Variants in CDH13 observed in about 807,000 individuals in gnomAD.
The protein encoded by CDH13 is cadherin-13.
CDH13 carries 24 observed loss-of-function variants against 63.8 expected under a neutral mutation model. The observed-to-expected ratio is 0.38, with a 90% CI of 0.27 to 0.53. The LOEUF (loss-of-function observed/expected upper bound fraction) is 0.53. Among genes scored for constraint, CDH13 ranks in the 20% least tolerant of loss-of-function variants. The pLI is 0.85. For synonymous variants in CDH13, 503 were observed against 355.3 expected (o/e 1.42, Z -4.67); for missense variants, 1,049 against 903.1 (o/e 1.16, Z -2.07).
chr16:83,621,217 A>G (rs926968661), intron 8 of CDH13, among the ~76,000 whole-genome samples: 24 of 152,206 alleles, frequency 1.6e-4, no homozygotes. Flanking sequence ...CAGTGCCAGT[A>G]GAGCCCACTA....
At chr16:82,772,939 C>G (rs1002158243) in intron 1 of CDH13, among the ~76,000 whole-genome samples, 3 of 152,024 alleles carry the variant, frequency 2.0e-5, no homozygotes, top group Non-Finnish European at 4.4e-5. Context: ...TGGGAGTAAC[C>G]TAATTTTACG....
At chr16:83,792,903 C>A (rs1192063742) in intron 13 of CDH13, among the ~76,000 whole-genome samples, 8 of 152,024 alleles carry the variant, frequency 5.3e-5, no homozygotes, top group African/African-American at 1.9e-4. Flanking sequence ...AAAAATGAAA[C>A]CTAATCATTG....
chr16:83,676,341 G>A (rs1914953596), intron 9 of CDH13, among the ~76,000 whole-genome samples: 1 of 152,148 alleles, frequency 6.6e-6, no homozygotes, highest in African/African-American at 2.4e-5. Flanking sequence ...GCCCTTGGGG[G>A]ACTGGGGTGC....
chr16:83,483,953 C>T (rs1210861722), intron 6 of CDH13, among the ~76,000 whole-genome samples: 2 of 152,128 alleles, frequency 1.3e-5, no homozygotes, highest in African/African-American at 2.4e-5. Context: ...CTGCATGGGC[C>T]AAGAATGTTC....
intron 6 of CDH13, among the ~76,000 whole-genome samples, chr16:83,461,428 G>A (rs927064967): frequency 2.0e-5 from 3 of 152,178 alleles, no homozygotes; most frequent in Non-Finnish European, 4.4e-5. Context: ...ACAAGCTCCA[G>A]CCATGAACTG....
intron 5 of CDH13, among the ~76,000 whole-genome samples, chr16:83,265,602 A>G (rs964367986): frequency 1.1e-4 from 17 of 151,336 alleles, no homozygotes; most frequent in African/African-American, 3.2e-4. Flanking sequence ...TGTTCTCTCA[A>G]TGTTCATTTT....
At chr16:82,896,340 G>A (rs150007985) in intron 2 of CDH13, among the ~76,000 whole-genome samples, 175 of 136,166 alleles carry the variant, frequency 1.3e-3, no homozygotes, top group African/African-American at 4.6e-3. Flanking sequence ...CTCCCAGGCT[G>A]GAGTGCAGTG....
chr16:83,328,835 G>A (rs11864761), intron 5 of CDH13, among the ~76,000 whole-genome samples: 59,741 of 151,830 alleles, frequency 0.39, 12,186 homozygotes, highest in Admixed American at 0.46. Flanking sequence ...AGTTTGAAAT[G>A]CTTAAGAAAA....
chr16:83,373,726 G>T (rs184478796), intron 6 of CDH13, among the ~76,000 whole-genome samples: 3 of 152,188 alleles, frequency 2.0e-5, no homozygotes, highest in South Asian at 4.1e-4. Flanking sequence ...TTGAATCTCC[G>T]CTTTACCTTT....
chr16:82,774,130 TA>T (rs35249829), intron 1 of CDH13, among the ~76,000 whole-genome samples: 26 of 149,872 alleles, frequency 1.7e-4, no homozygotes, highest in African/African-American at 4.4e-4. Context: ...GAATTCTCTT[TA>T]AAAAAAAAAT....
In CDH13 at chr16:82,815,528, T is replaced by C. The variant is rs2037662514; in HGVS notation, c.46-42834T>C. 1.3e-5 allele frequency among the ~76,000 whole-genome samples: 2 copies of C among 152,172 alleles called. 1 individual carries two copies. The highest frequency in any genetic ancestry group is 1.3e-4 in the Admixed American group (2 of 15,268). ...CACTCCCTACATGGGAGATATTATT[T>C]CCATGTTCAGAAACAAGCTGGTTTC... On this transcript the variant is annotated intron_variant, in intron 1 of 13. Coordinates refer to ENST00000567109, the MANE Select transcript of CDH13 (RefSeq NM_001257.5).
intron 2 of CDH13, among the ~76,000 whole-genome samples, chr16:82,864,007 A>G (rs1260292232): frequency 6.6e-6 from 1 of 152,212 alleles, no homozygotes; most frequent in Non-Finnish European, 1.5e-5. Context: ...ACTTGGCATC[A>G]AAAATAAACA....
At chr16:83,786,714 G>T (rs1597232252) in intron 13 of CDH13, among the ~76,000 whole-genome samples, 1 of 151,818 alleles carries the variant, frequency 6.6e-6, no homozygotes, top group Admixed American at 6.6e-5. Flanking sequence ...CAGCCTCCCA[G>T]GTAGCTAGGA....
chr16:82,766,629 C>T (rs1881544973), intron 1 of CDH13, among the ~76,000 whole-genome samples: 2 of 152,180 alleles, frequency 1.3e-5, no homozygotes, highest in South Asian at 2.1e-4. Context: ...ACAGTGGTCA[C>T]TCTATCATAA....
chr16:83,437,698 AT>A (rs1276264496), intron 6 of CDH13, among the ~76,000 whole-genome samples: 1 of 152,166 alleles, frequency 6.6e-6, no homozygotes, highest in Admixed American at 6.6e-5. Context: ...ATTAAAAAAA[AT>A]AAAGGCTTCA....
At chr16:83,363,892 C>T (rs1364302) in intron 6 of CDH13, among the ~76,000 whole-genome samples, 39,165 of 151,928 alleles carry the variant, frequency 0.26, 5,123 homozygotes, top group Middle Eastern at 0.37. Context: ...GGTCACAGGA[C>T]ATCAAGTGGA....
intron 2 of CDH13, among the ~76,000 whole-genome samples, chr16:82,950,766 C>T (rs1351716091): frequency 6.6e-6 from 1 of 151,426 alleles, no homozygotes; most frequent in Non-Finnish European, 1.5e-5. Flanking sequence ...TGTAAAGACC[C>T]TATCTCCAAA....
At chr16:83,742,456 T>C (rs979072155) in intron 10 of CDH13, among the ~76,000 whole-genome samples, 1 of 152,116 alleles carries the variant, frequency 6.6e-6, no homozygotes, top group African/African-American at 2.4e-5. Flanking sequence ...CAAGCAAAGT[T>C]CACATTACAG....
At chr16:82,639,810 C>A (rs191222961) in intron 1 of CDH13, among the ~76,000 whole-genome samples, 1 of 152,248 alleles carries the variant, frequency 6.6e-6, no homozygotes, top group African/African-American at 2.4e-5. Flanking sequence ...AGCCACAGAG[C>A]AGCGAGAGCA....
Sources: allele counts gnomAD v4.1 joint callset (sites outside exome capture counted in the v4.1 genomes callset), GRCh38; gene constraint gnomAD v4.1.1; transcripts MANE v1.5; gene names NCBI Gene and HGNC (gene_info 2026-07-23, HGNC 2026-07-21).